PRKCB: variants seen among roughly 807,000 people sequenced by gnomAD.
PRKCB encodes protein kinase C beta type.
In PRKCB, 13 loss-of-function variants were observed where a neutral mutation model predicts 81.5. That is an observed-to-expected ratio of 0.16 (90% CI 0.10 to 0.25). PRKCB has a LOEUF of 0.25. Among genes scored for constraint, PRKCB ranks in the 10% least tolerant of loss-of-function variants. PRKCB has a pLI of 1.00. For missense variants in PRKCB, 509 were observed against 875.7 expected, an observed-to-expected ratio of 0.58 and a Z score of 5.29; for synonymous variants, 335 against 321.4, an observed-to-expected ratio of 1.04 and a Z score of -0.45.
intron 2 of PRKCB, among the ~76,000 whole-genome samples, chr16:23,838,905 C>T (rs966599870): frequency 6.6e-6 from 1 of 152,146 alleles, no homozygotes; most frequent in African/African-American, 2.4e-5. Flanking sequence ...CAACTTAGGC[C>T]CTGGTGCAAA....
chr16:23,993,766 G>C (rs1964920272), intron 3 of PRKCB, among the ~76,000 whole-genome samples: 1 of 152,166 alleles, frequency 6.6e-6, no homozygotes, highest in Non-Finnish European at 1.5e-5. Flanking sequence ...TACCTTAATG[G>C]ATCGCAGAGT....
rs754025806 is a variant in PRKCB, at chr16:24,177,096, CT to C, written c.1394+2518del. Reference sequence around the variant, plus strand: ...CTACTAAAATAGAACCAACTGGGTTCTTGAGAAGATTAAATATGGAACTACA... The same window carrying C: ...CTACTAAAATAGAACCAACTGGGTTCTGAGAAGATTAAATATGGAACTACA... On this transcript the variant is annotated intron_variant, in intron 12 of 16. Coordinates refer to ENST00000643927, the MANE Select transcript of PRKCB (RefSeq NM_002738.7). 1.9e-4 allele frequency among the ~76,000 whole-genome samples: 29 copies of C among 152,118 alleles called. 1 individual carries two copies. The highest frequency in any genetic ancestry group is 3.7e-4 in the Non-Finnish European group (25 of 68,040).
intron 2 of PRKCB, among the ~76,000 whole-genome samples, chr16:23,885,008 T>G (rs1963178297): frequency 6.6e-6 from 1 of 151,778 alleles, no homozygotes; most frequent in African/African-American, 2.4e-5. Context: ...GATTTTAGTT[T>G]CCTTGCCAGC....
chr16:23,886,416 T>TTTTTTTG (rs1963203048), intron 2 of PRKCB, among the ~76,000 whole-genome samples: 1 of 114,978 alleles, frequency 8.7e-6, no homozygotes, highest in African/African-American at 3.2e-5. Flanking sequence ...GTTTTTTTTT[T>TTTTTTTG]TTTTTTTTTT....
chr16:24,168,714 CTATTTTTTTTTTT>C (rs1967391274), intron 10 of PRKCB, among the ~76,000 whole-genome samples: 2 of 120,864 alleles, frequency 1.7e-5, no homozygotes, highest in African/African-American at 6.2e-5. Flanking sequence ...CCATGCCTGG[CTATTTTTTTTTTT>C]TTTTTTTTTT....
intron 2 of PRKCB, among the ~76,000 whole-genome samples, chr16:23,891,638 C>T (rs1963296930): frequency 6.6e-6 from 1 of 152,020 alleles, no homozygotes; most frequent in Non-Finnish European, 1.5e-5. Context: ...TCTACAAATC[C>T]CAGTTCAACA....
intron 5 of PRKCB, among the ~76,000 whole-genome samples, chr16:24,042,742 A>AT (rs1246366808): frequency 7.0e-5 from 5 of 71,414 alleles, no homozygotes; most frequent in African/African-American, 3.0e-4. Context: ...ATACATACAA[A>AT]ATTTTTTTTT....
intron 2 of PRKCB, among the ~76,000 whole-genome samples, chr16:23,977,726 C>G (rs77721593): frequency 0.021 from 3,227 of 152,202 alleles, 109 homozygotes; most frequent in African/African-American, 0.072. Context: ...AATTTTGAAG[C>G]CACAAGCATA....
chr16:24,056,477 G>A (rs1183960227), intron 5 of PRKCB, among the ~76,000 whole-genome samples: 1 of 152,234 alleles, frequency 6.6e-6, no homozygotes, highest in Non-Finnish European at 1.5e-5. Context: ...CTGTGATACA[G>A]TGTGGATGTT....
At chr16:24,136,605 T>C (rs1429505830) in intron 9 of PRKCB, among the ~76,000 whole-genome samples, 17 of 152,202 alleles carry the variant, frequency 1.1e-4, no homozygotes, top group Admixed American at 1.1e-3. Context: ...CCATGTCTAA[T>C]TCTCACATGT....
chr16:23,888,934 G>T (rs1276116735), intron 2 of PRKCB, among the ~76,000 whole-genome samples: 1 of 152,180 alleles, frequency 6.6e-6, no homozygotes, highest in Non-Finnish European at 1.5e-5. Flanking sequence ...GACATAGCTG[G>T]ATGGCTAAGA....
chr16:24,166,103 T>A (rs2141961549), intron 10 of PRKCB, among the ~76,000 whole-genome samples: 1 of 152,162 alleles, frequency 6.6e-6, no homozygotes, highest in East Asian at 1.9e-4. Flanking sequence ...GCCAGGCTGG[T>A]CTCAAGCTCT....
Position 23,912,638 on chromosome 16 carries a change from G to C in PRKCB, c.205+75232G>C, listed in dbSNP as rs1370271779. Among the ~76,000 whole-genome samples, 4 of 137,640 alleles carry C rather than the reference G, an allele frequency of 2.9e-5. No homozygotes were observed. The East Asian group carries it at 9.2e-4, about 32-fold the overall frequency. The allele number at this position is 137,640 out of a possible 152,430, so 90.3% of individuals were successfully genotyped here. A position where few individuals can be genotyped will look rare whatever the true frequency, so the allele number is the denominator to read the frequency against. On this transcript the variant is annotated intron_variant, in intron 2 of 16. Transcript: ENST00000643927. ...AGCGATTCTCCTGCCTCAGCCTCCA[G>C]AGTAGCTGGGATTGCAGACGTGTGC...
chr16:23,899,640 CTCTCTG>C lies in PRKCB; in HGVS notation c.205+62236_205+62241del, dbSNP rs1440235272. 1.5e-3 allele frequency among the ~76,000 whole-genome samples: 25 copies of C among 16,506 alleles called. 3 individuals are homozygous for C. The highest frequency in any genetic ancestry group is 2.5e-3 in the Admixed American group (3 of 1,206). 10.8% of individuals were successfully genotyped at this position (16,506 alleles called of 152,430 possible). A position where few individuals can be genotyped will look rare whatever the true frequency, so the allele number is the denominator to read the frequency against. On this transcript the variant is annotated intron_variant, in intron 2 of 16. Coordinates refer to ENST00000643927, the MANE Select transcript of PRKCB (RefSeq NM_002738.7). Reference sequence around the variant, plus strand: ...TCTCTCTCTCTCTCTCTCTCTCTCTCTCTCTGTGTGTGTGTGTGTGTGTGTGTGGTT... The same window carrying C: ...TCTCTCTCTCTCTCTCTCTCTCTCTCTGTGTGTGTGTGTGTGTGTGTGGTT...
rs537159487 is a variant in PRKCB at position 23,900,087 on chromosome 16, C to T, written c.205+62681C>T. Among the ~76,000 whole-genome samples, 17 of 152,196 alleles carry T rather than the reference C, an allele frequency of 1.1e-4. No homozygotes were observed. The South Asian group carries it at 3.3e-3, about 30-fold the overall frequency. ...CAATGTCTGGAGACATTTTGTTTGTCACAACTTGGGGTGGTGGGGGTTGCT... is the reference window on the plus strand; with the variant it reads ...CAATGTCTGGAGACATTTTGTTTGTTACAACTTGGGGTGGTGGGGGTTGCT... On this transcript the variant is annotated intron_variant, in intron 2 of 16. Transcript: ENST00000643927.
At chr16:23,900,091 A>G (rs1214559974) in intron 2 of PRKCB, among the ~76,000 whole-genome samples, 1 of 152,138 alleles carries the variant, frequency 6.6e-6, no homozygotes. Flanking sequence ...GTTTGTCACA[A>G]CTTGGGGTGG....
chr16:24,099,120 C>G (rs374718018), intron 7 of PRKCB: 2 of 152,296 alleles, frequency 1.3e-5, no homozygotes, highest in African/African-American at 4.8e-5. Context: ...ATAGCTACTA[C>G]TCATTGACTC....
At chr16:23,840,432 G>A (rs1051645008) in intron 2 of PRKCB, among the ~76,000 whole-genome samples, 1 of 152,108 alleles carries the variant, frequency 6.6e-6, no homozygotes, top group African/African-American at 2.4e-5. Context: ...AGGAAGAAAG[G>A]GGTAAAGAAG....
intron 9 of PRKCB, among the ~76,000 whole-genome samples, chr16:24,149,800 G>A (rs1596569920): frequency 6.6e-6 from 1 of 152,126 alleles, no homozygotes; most frequent in East Asian, 1.9e-4. Context: ...AAGAATTTGA[G>A]CTACCTATGT....
Sources: gnomAD v4.1 joint callset for allele counts (sites outside exome capture counted in the v4.1 genomes callset) on GRCh38, gnomAD v4.1.1 for gene constraint, MANE v1.5 for transcripts, NCBI Gene and HGNC (gene_info 2026-07-23, HGNC 2026-07-21) for gene names.